The following TTC28 variants were observed in gnomAD, a reference collection of about 807,000 sequenced individuals.
TTC28 encodes tetratricopeptide repeat protein 28.
Under a neutral mutation model 198.0 loss-of-function variants are expected in TTC28, and 61 were observed. The ratio of observed to expected loss-of-function variants is 0.31; its 90% CI spans 0.25 to 0.38. The LOEUF (loss-of-function observed/expected upper bound fraction) is 0.38. Among genes scored for constraint, TTC28 ranks in the 10% least tolerant of loss-of-function variants. The pLI is 1.00. For synonymous variants in TTC28, 1,171 were observed against 1,297.8 expected, an observed-to-expected ratio of 0.90 and a Z score of 2.10; for missense variants, 2,678 against 3,164.0, an observed-to-expected ratio of 0.85 and a Z score of 3.69.
At chr22:28,085,172 T>C (rs1427638364) in intron 12 of TTC28, among the ~76,000 whole-genome samples, 1 of 151,940 alleles carries the variant, frequency 6.6e-6, no homozygotes, top group Non-Finnish European at 1.5e-5. Context: ...GCCAGAAAGA[T>C]ACTCCCCGAG....
At chr22:28,226,674 C>T (rs1490618986) in intron 5 of TTC28, among the ~76,000 whole-genome samples, 4 of 152,096 alleles carry the variant, frequency 2.6e-5, no homozygotes, top group East Asian at 3.9e-4. Flanking sequence ...GTGATCCACC[C>T]GCCTTGGCCT....
At chr22:28,074,746 T>TCCC (rs59127361) in intron 12 of TTC28, among the ~76,000 whole-genome samples, 2 of 151,660 alleles carry the variant, frequency 1.3e-5, no homozygotes, top group African/African-American at 4.8e-5. Flanking sequence ...CACCAGATTA[T>TCCC]CCCCCCCCAT....
intron 12 of TTC28, among the ~76,000 whole-genome samples, chr22:28,033,206 G>T (rs913172107): frequency 1.3e-5 from 2 of 152,162 alleles, no homozygotes; most frequent in Non-Finnish European, 2.9e-5. Context: ...TAATGGGGTT[G>T]TTTCCTATTT....
chr22:28,311,219 A>ATGTGATAT (rs59602510), intron 2 of TTC28, among the ~76,000 whole-genome samples: 2,402 of 152,240 alleles, frequency 0.016, 85 homozygotes, highest in African/African-American at 0.056. Flanking sequence ...ATCTTTGTTC[A>ATGTGATAT]ACTATACTTG....
At chr22:28,448,867 G>C (rs1269740140) in intron 2 of TTC28, among the ~76,000 whole-genome samples, 2 of 152,086 alleles carry the variant, frequency 1.3e-5, no homozygotes, top group African/African-American at 4.8e-5. Flanking sequence ...CTCCAGAAAG[G>C]CTGAAGTTCC....
At chr22:28,019,110 C>T (rs1938493661) in intron 13 of TTC28, among the ~76,000 whole-genome samples, 1 of 152,200 alleles carries the variant, frequency 6.6e-6, no homozygotes, top group Admixed American at 6.5e-5. Flanking sequence ...CCTTACTGTT[C>T]ACAGCTGGGA....
chr22:28,502,737 A>C (rs538284347), intron 2 of TTC28, among the ~76,000 whole-genome samples: 2 of 152,242 alleles, frequency 1.3e-5, no homozygotes, highest in Non-Finnish European at 2.9e-5. Flanking sequence ...TAAGGCTGTC[A>C]GTGCAGAAAT....
chr22:28,449,285 A>G (rs2047743870), intron 2 of TTC28, among the ~76,000 whole-genome samples: 1 of 152,208 alleles, frequency 6.6e-6, no homozygotes, highest in South Asian at 2.1e-4. Flanking sequence ...ATGGAGGTAT[A>G]AAAGCATGAG....
At position 28,127,093 on chromosome 22, in the gene TTC28, T is replaced by C. The variant is rs998058684; in HGVS notation, c.1442-18690A>G. Among the ~76,000 whole-genome samples the C allele has an allele frequency of 2.0e-5, 3 of 152,294 alleles. No homozygotes were observed. In the South Asian group the frequency reaches 6.2e-4, roughly 32 times the overall value. On this transcript the variant is annotated intron_variant, in intron 6 of 22. Coordinates refer to ENST00000397906, the MANE Select transcript of TTC28 (RefSeq NM_001145418.2). ...ATTGTTTAGATTGATTCTTAAAAGG[T>C]TTGACATAACTATAACCATTGCAAA...
rs188800775 is a variant in TTC28 at position 28,234,296 on chromosome 22, C to A, written c.933+61902G>T. 1.3e-4 allele frequency among the ~76,000 whole-genome samples: 20 copies of A among 151,980 alleles called. No homozygotes were observed. In the East Asian group the frequency reaches 3.9e-3, roughly 30 times the overall value. On this transcript the variant is annotated intron_variant, in intron 5 of 22. Coordinates refer to ENST00000397906, the MANE Select transcript of TTC28 (RefSeq NM_001145418.2). The stretch of plus-strand genomic sequence containing the variant: ...AGCTCAGGCAATCCGCCTGCCTGGG[C>A]CTCCCAAAGTGCTAGGATTACAGGC...
At chr22:28,648,168 G>A (rs754083273) in intron 1 of TTC28, among the ~76,000 whole-genome samples, 4 of 147,302 alleles carry the variant, frequency 2.7e-5, no homozygotes, top group South Asian at 2.2e-4. Context: ...AGCTTGCAGC[G>A]AGCCAAGATC....
intron 2 of TTC28, among the ~76,000 whole-genome samples, chr22:28,601,961 A>T (rs527498755): frequency 2.0e-5 from 3 of 150,060 alleles, no homozygotes; most frequent in Non-Finnish European, 3.0e-5. Context: ...TCTCTGGTAG[A>T]CACAAGCACA....
chr22:28,253,144 T>C (rs1274713273), intron 5 of TTC28, among the ~76,000 whole-genome samples: 1 of 152,206 alleles, frequency 6.6e-6, no homozygotes, highest in Admixed American at 6.5e-5. Context: ...TTTCTAAATA[T>C]AGCTTAAATA....
rs1409625873 is a variant in TTC28, at chr22:28,371,598, A to ATTTT, written c.382-64959_382-64956dup. ...ATCTTAACCAAAAAAAAAAAAAAAAATTTTTTTTTTTTTTGAGACAGAGTC... is the reference window on the plus strand; with the variant it reads ...ATCTTAACCAAAAAAAAAAAAAAAAATTTTTTTTTTTTTTTTTTGAGACAGAGTC... On this transcript the variant is annotated intron_variant, in intron 2 of 22. Transcript: ENST00000397906. Among the ~76,000 whole-genome samples, 15 of 27,762 alleles carry ATTTT rather than the reference A, an allele frequency of 5.4e-4. 3 individuals carry two copies. In the East Asian group the frequency reaches 0.014, roughly 26 times the overall value. 18.2% of individuals were successfully genotyped at this position (27,762 alleles called of 152,430 possible).
intron 1 of TTC28, among the ~76,000 whole-genome samples, chr22:28,641,317 C>T (rs758851303): frequency 4.0e-5 from 6 of 150,484 alleles, no homozygotes; most frequent in Non-Finnish European, 8.9e-5. Context: ...AGCAAGACTC[C>T]GTCTCAAAAA....
intron 2 of TTC28, among the ~76,000 whole-genome samples, chr22:28,470,193 G>A (rs1176008677): frequency 1.3e-5 from 2 of 152,096 alleles, no homozygotes; most frequent in Admixed American, 1.3e-4. Context: ...TTAACTATGT[G>A]GTAATTTATT....
chr22:28,304,431 C>T (rs2045094733), intron 3 of TTC28, among the ~76,000 whole-genome samples: 1 of 152,050 alleles, frequency 6.6e-6, no homozygotes, highest in Non-Finnish European at 1.5e-5. Context: ...GTAAGAAAAG[C>T]CCACCTGGAA....
At chr22:28,366,214 G>A (rs1417913776) in intron 2 of TTC28, among the ~76,000 whole-genome samples, 1 of 152,126 alleles carries the variant, frequency 6.6e-6, no homozygotes, top group African/African-American at 2.4e-5. Context: ...TAAACCCATG[G>A]ACAAACATGC....
chr22:28,392,019 T>C (rs1034795052), intron 2 of TTC28, among the ~76,000 whole-genome samples: 1 of 152,222 alleles, frequency 6.6e-6, no homozygotes, highest in Non-Finnish European at 1.5e-5. Flanking sequence ...GATGGGTTTT[T>C]GGTGTGGATG....
Sources: gnomAD v4.1 joint callset for allele counts (sites outside exome capture counted in the v4.1 genomes callset) on GRCh38, gnomAD v4.1.1 for gene constraint, MANE v1.5 for transcripts, NCBI Gene and HGNC (gene_info 2026-07-23, HGNC 2026-07-21) for gene names.